HK2: variants seen among roughly 807,000 people sequenced by gnomAD.
HK2 encodes the protein hexokinase 2.
HK2 carries 42 observed loss-of-function variants against 92.9 expected under a neutral mutation model. That is an observed-to-expected ratio of 0.45 (90% CI 0.35 to 0.58). HK2 has a LOEUF of 0.58. HK2 is among the 20% of genes least tolerant of loss of function. HK2 has a pLI of 0.00. For missense variants in HK2, 978 were observed against 1,245.1 expected, an observed-to-expected ratio of 0.79 and a Z score of 3.23; for synonymous variants, 422 against 468.0, an observed-to-expected ratio of 0.90 and a Z score of 1.27.
chr2:74,864,307 C>G (rs1021270300), intron 2 of HK2, among the ~76,000 whole-genome samples: 10 of 152,218 alleles, frequency 6.6e-5, no homozygotes, highest in Admixed American at 4.6e-4. Context: ...TATGTTGTAG[C>G]TACTCTGGAC....
chr2:74,865,434 C>T (rs17010460), intron 2 of HK2, among the ~76,000 whole-genome samples: 2,082 of 152,188 alleles, frequency 0.014, 49 homozygotes, highest in African/African-American at 0.047. Flanking sequence ...ACTGATTCAG[C>T]GGATCGCGTG....
chr2:74,874,177 C>T (rs746744488), intron 6 of HK2, 89 bp from the exon 7 acceptor site: 75 of 1,513,836 alleles, frequency 5.0e-5, no homozygotes, highest in African/African-American at 1.2e-4. Context: ...CCATCCTGGC[C>T]GGGCAGTCTC....
At chr2:74,847,661 C>T (rs1010379174) in intron 1 of HK2, among the ~76,000 whole-genome samples, 5 of 152,124 alleles carry the variant, frequency 3.3e-5, no homozygotes, top group Non-Finnish European at 4.4e-5. Context: ...ACCATGATTG[C>T]GTCATTGCAC....
At chr2:74,841,060 A>G (rs949319563) in intron 1 of HK2, among the ~76,000 whole-genome samples, 1 of 152,168 alleles carries the variant, frequency 6.6e-6, no homozygotes, top group Middle Eastern at 3.4e-3. Flanking sequence ...TGCTATTGAC[A>G]TTTTGGGACA....
chr2:74,853,988 G>A (rs906385915), intron 1 of HK2, among the ~76,000 whole-genome samples: 33 of 152,256 alleles, frequency 2.2e-4, no homozygotes, highest in Middle Eastern at 6.8e-3. Flanking sequence ...TGGCTCCAGT[G>A]ATGTTGTCAC....
At position 74,881,982 on chromosome 2, in the gene HK2, C is replaced by G. The variant is rs891727930; in HGVS notation, c.1719+123C>G. 23 of 1,405,060 alleles carry G rather than the reference C, an allele frequency of 1.6e-5. No homozygotes were observed. The African/African-American group carries it at 3.1e-4, about 19-fold the overall frequency. 87.0% of individuals were successfully genotyped at this position (1,405,060 alleles called of 1,614,324 possible). On this transcript the variant is annotated intron_variant, in intron 11 of 17. Coordinates refer to ENST00000290573, the MANE Select transcript of HK2 (RefSeq NM_000189.5). Reference sequence around the variant, plus strand: ...GGCTAGCTGGACCCAGGGCTGCAGCCTGGTCTTGACTCAGGTTTGTGCCTG... The same window carrying G: ...GGCTAGCTGGACCCAGGGCTGCAGCGTGGTCTTGACTCAGGTTTGTGCCTG...
intron 1 of HK2, among the ~76,000 whole-genome samples, chr2:74,850,178 G>A (rs947656600): frequency 1.3e-5 from 2 of 152,222 alleles, no homozygotes; most frequent in African/African-American, 4.8e-5. Context: ...AGGGGAAGGT[G>A]TTTGAGCCCC....
rs1688160582 is a variant in HK2, at chr2:74,836,180, G to A, written c.63+1537G>A. The stretch of plus-strand genomic sequence containing the variant: ...GGGGAAGGCTATCATCTCTTGGCAA[G>A]TCCTAAAATACACAGTGGAGCGTCA... On this transcript the variant is annotated intron_variant, in intron 1 of 17. Transcript: ENST00000290573. Among the ~76,000 whole-genome samples, 4 of 152,294 alleles carry A rather than the reference G, an allele frequency of 2.6e-5. 1 individual carries two copies. The highest frequency in any genetic ancestry group is 4.1e-4 in the South Asian group (2 of 4,832).
Position 74,862,418 on chromosome 2 carries a change from G to A in HK2, c.227-5218G>A, listed in dbSNP as rs138687298. Among the ~76,000 whole-genome samples, 121 of 152,344 alleles carry A rather than the reference G, an allele frequency of 7.9e-4. 1 individual carries two copies. The highest frequency in any genetic ancestry group is 2.8e-3 in the African/African-American group (116 of 41,582). ...GCTTGGTCCTCTGTGCAGCAGCAGT[G>A]TGCTAAGCTGCCTCGTGCCCTTTAA... On this transcript the variant is annotated intron_variant, in intron 2 of 17. Transcript: ENST00000290573.
rs546216813 is a variant in HK2, at chr2:74,875,334, T to G, written c.875+885T>G. Among the ~76,000 whole-genome samples the G allele has an allele frequency of 3.4e-5, 5 of 148,536 alleles. No individual in the cohort carries two copies. In the South Asian group the frequency reaches 1.1e-3, roughly 33 times the overall value. On this transcript the variant is annotated intron_variant, in intron 7 of 17. Coordinates refer to ENST00000290573, the MANE Select transcript of HK2 (RefSeq NM_000189.5). ...AGGAGAGTCCTTGCTTTCGTTTTTT[T>G]TTTTTTTTTTTTGAGACAGAGTCTC...
intron 2 of HK2, among the ~76,000 whole-genome samples, chr2:74,857,870 C>G (rs957258854): frequency 6.6e-6 from 1 of 152,292 alleles, no homozygotes; most frequent in Admixed American, 6.5e-5. Flanking sequence ...GCGATTCCCC[C>G]CATGTGGTCG....
At chr2:74,851,789 C>T (rs1482480048) in intron 1 of HK2, among the ~76,000 whole-genome samples, 1 of 152,146 alleles carries the variant, frequency 6.6e-6, no homozygotes, top group Non-Finnish European at 1.5e-5. Flanking sequence ...TGTCTGCTGC[C>T]CCAGACCTGC....
intron 2 of HK2, among the ~76,000 whole-genome samples, chr2:74,856,285 G>C (rs954382019): frequency 6.6e-6 from 1 of 152,096 alleles, no homozygotes; most frequent in Non-Finnish European, 1.5e-5. Flanking sequence ...AGACTGTATC[G>C]TTCCCAAAAT....
intron 1 of HK2, among the ~76,000 whole-genome samples, chr2:74,852,271 G>T (rs1291701487): frequency 6.6e-6 from 1 of 152,204 alleles, no homozygotes; most frequent in Non-Finnish European, 1.5e-5. Context: ...TTGCACATTA[G>T]CCCTGAGATG....
intron 1 of HK2, among the ~76,000 whole-genome samples, chr2:74,842,475 A>G (rs1688336483): frequency 6.6e-6 from 1 of 152,230 alleles, no homozygotes. Context: ...GCATCTGTAC[A>G]TAGGGAGAGA....
intron 2 of HK2, among the ~76,000 whole-genome samples, chr2:74,856,908 G>A (rs372378502): frequency 1.3e-5 from 2 of 152,210 alleles, no homozygotes; most frequent in African/African-American, 2.4e-5. Flanking sequence ...TTTTTGGAAC[G>A]GAGTTGGGAC....
rs663504 is a variant in HK2 at position 74,834,746 on chromosome 2, C to T, written c.63+103C>T. 7.4e-5 allele frequency: 97 copies of T among 1,316,544 alleles called. 1 individual carries two copies. The highest frequency in any genetic ancestry group is 1.1e-4 in the Non-Finnish European group (97 of 912,342). 81.6% of individuals were successfully genotyped at this position (1,316,544 alleles called of 1,614,324 possible). A position where few individuals can be genotyped will look rare whatever the true frequency, so the allele number is the denominator to read the frequency against. On this transcript the variant is annotated intron_variant, in intron 1 of 17. Coordinates refer to ENST00000290573, the MANE Select transcript of HK2 (RefSeq NM_000189.5). This position sits in a 1 kb window ranked among gnomAD's most constrained non-coding sequence, Gnocchi z 4.2. Reference sequence around the variant, plus strand: ...GCGGGGACCCGCTTCCTCCCTACTCCGGGCCTGGGAGCGGAAAAAGTTTGG... The same window carrying T: ...GCGGGGACCCGCTTCCTCCCTACTCTGGGCCTGGGAGCGGAAAAAGTTTGG...
chr2:74,871,282 G>T (rs972722960), intron 3 of HK2, among the ~76,000 whole-genome samples: 1 of 152,144 alleles, frequency 6.6e-6, no homozygotes, highest in Non-Finnish European at 1.5e-5. Context: ...TGGTTTAGTC[G>T]AATCTTCTTG....
chr2:74,882,587 A>G (rs1689425579), intron 12 of HK2, among the ~76,000 whole-genome samples: 1 of 140,480 alleles, frequency 7.1e-6, no homozygotes, highest in South Asian at 2.3e-4. Context: ...ACATAGGAAG[A>G]CCCCATCTCT....
Sources: gnomAD v4.1 joint callset for allele counts (sites outside exome capture counted in the v4.1 genomes callset) on GRCh38, gnomAD v4.1.1 for gene constraint, Gnocchi (gnomAD v3.1) non-coding constraint, MANE v1.5 for transcripts, NCBI Gene and HGNC (gene_info 2026-07-23, HGNC 2026-07-21) for gene names.